Variants in TP63 observed in about 807,000 individuals in gnomAD.
TP63 encodes the protein tumor protein 63.
In TP63, 17 loss-of-function variants were observed where a neutral mutation model predicts 82.8. The observed-to-expected ratio is 0.21, with a 90% CI of 0.14 to 0.31. The LOEUF is 0.31. TP63 is among the 10% of genes least tolerant of loss of function. The pLI, the probability that TP63 is intolerant of heterozygous loss-of-function variation, is 1.00. For synonymous variants in TP63, 330 were observed against 321.7 expected, an observed-to-expected ratio of 1.03 and a Z score of -0.28; for missense variants, 648 against 895.3, an observed-to-expected ratio of 0.72 and a Z score of 3.52.
intron 1 of TP63, among the ~76,000 whole-genome samples, chr3:189,692,374 CT>C (rs1242752757): frequency 6.6e-6 from 1 of 150,734 alleles, no homozygotes; most frequent in Non-Finnish European, 1.5e-5. Context: ...TTTCTTTTAC[CT>C]TTTTATTTCC....
chr3:189,689,552 G>C (rs1309850391), intron 1 of TP63, among the ~76,000 whole-genome samples: 2 of 152,030 alleles, frequency 1.3e-5, no homozygotes, highest in Non-Finnish European at 2.9e-5. Context: ...GTCCATTGTT[G>C]AGCTACTGGG....
chr3:189,660,002 T>A (rs2108651469), intron 1 of TP63, among the ~76,000 whole-genome samples: 1 of 152,190 alleles, frequency 6.6e-6, no homozygotes, highest in African/African-American at 2.4e-5. Flanking sequence ...TTATGTAGGT[T>A]TTCTGATTAC....
chr3:189,854,180 T>G (rs1345145536), intron 4 of TP63, among the ~76,000 whole-genome samples: 3 of 152,212 alleles, frequency 2.0e-5, no homozygotes, highest in Non-Finnish European at 4.4e-5. Context: ...TTGTGGTTTA[T>G]GATGGCAACT....
At chr3:189,770,200 A>T (rs1723233647) in intron 3 of TP63, among the ~76,000 whole-genome samples, 2 of 152,206 alleles carry the variant, frequency 1.3e-5, no homozygotes, top group African/African-American at 4.8e-5. Flanking sequence ...AAAACCAGAC[A>T]CAATCCTTAT....
intron 10 of TP63, chr3:189,873,216 A>G: frequency 1.6e-6 from 1 of 638,260 alleles, no homozygotes; most frequent in South Asian, 1.9e-5. Context: ...GAAATTAAAT[A>G]CAAACCATTT....
intron 4 of TP63, among the ~76,000 whole-genome samples, chr3:189,837,792 A>AT (rs138345891): frequency 0.011 from 1,568 of 147,992 alleles, 27 homozygotes; most frequent in African/African-American, 0.037. Context: ...TAATTTATGT[A>AT]TTTTTTTTTT....
chr3:189,890,534 C>T (rs1326073457), intron 12 of TP63, among the ~76,000 whole-genome samples: 1 of 152,146 alleles, frequency 6.6e-6, no homozygotes, highest in Non-Finnish European at 1.5e-5. Context: ...CCTAGAATTC[C>T]ACAGATCACC....
At chr3:189,736,975 T>C (rs546642954) in intron 1 of TP63, among the ~76,000 whole-genome samples, 1 of 152,138 alleles carries the variant, frequency 6.6e-6, no homozygotes, top group Non-Finnish European at 1.5e-5. Context: ...AGAAAGCTGA[T>C]GTTTTCCTCC....
At chr3:189,864,454 C>G in intron 5 of TP63, 36 bp downstream of exon 5, 1 of 1,593,028 alleles carries the variant, frequency 6.3e-7, no homozygotes, top group Non-Finnish European at 8.6e-7. Flanking sequence ...GTTCAACCTC[C>G]TTGAAGGTCA....
intron 1 of TP63, among the ~76,000 whole-genome samples, chr3:189,682,912 G>A (rs1258365064): frequency 6.6e-6 from 1 of 152,038 alleles, no homozygotes; most frequent in Non-Finnish European, 1.5e-5. Flanking sequence ...ATGCAAGAAT[G>A]GTTTATAAAT....
intron 4 of TP63, among the ~76,000 whole-genome samples, chr3:189,847,711 G>A (rs1281939888): frequency 6.6e-6 from 1 of 152,144 alleles, no homozygotes; most frequent in African/African-American, 2.4e-5. Context: ...AGGACCTGAT[G>A]GAGTAGAGTT....
At chr3:189,609,252 T>C in the TP63 span, among the ~76,000 whole-genome samples, 1 of 152,122 alleles carries the variant, frequency 6.6e-6, no homozygotes. Context: ...GTCAGCCAAG[T>C]TTATCTGATT....
chr3:189,684,006 A>C (rs1716197491), intron 1 of TP63, among the ~76,000 whole-genome samples: 1 of 152,234 alleles, frequency 6.6e-6, no homozygotes, highest in African/African-American at 2.4e-5. Context: ...CAGCTTCAGC[A>C]ACTGCAGGAA....
At chr3:189,859,571 A>G (rs1716748118) in intron 4 of TP63, among the ~76,000 whole-genome samples, 1 of 152,192 alleles carries the variant, frequency 6.6e-6, no homozygotes, top group Non-Finnish European at 1.5e-5. Flanking sequence ...AAATGCTGAC[A>G]AGGATATGAA....
chr3:189,733,750 T>C (rs1213951843), intron 1 of TP63, among the ~76,000 whole-genome samples: 1 of 152,258 alleles, frequency 6.6e-6, no homozygotes, highest in African/African-American at 2.4e-5. Flanking sequence ...AGAGTATTTA[T>C]AAGTTTCACT....
At chr3:189,611,555 T>A in the TP63 span, among the ~76,000 whole-genome samples, 2 of 152,220 alleles carry the variant, frequency 1.3e-5, no homozygotes, top group Non-Finnish European at 2.9e-5. Context: ...GTAGTATAGT[T>A]TGAAGTCAGG....
At chr3:189,879,415 C>T (rs1292316110) in intron 10 of TP63, among the ~76,000 whole-genome samples, 5 of 152,014 alleles carry the variant, frequency 3.3e-5, no homozygotes, top group African/African-American at 7.3e-5. Context: ...ATTTATAGGC[C>T]GAGTTTTTTA....
Position 189,737,647 on chromosome 3 carries a change from T to G in TP63, c.63-93T>G. The G allele has an allele frequency of 4.2e-6, 6 of 1,441,592 alleles. 1 individual carries two copies. Among genetic ancestry groups the G allele is most frequent in the Non-Finnish European group, 5.8e-6 (6 of 1,029,266 alleles). 89.3% of individuals were successfully genotyped at this position (1,441,592 alleles called of 1,614,324 possible). On this transcript the variant is annotated intron_variant, in intron 1 of 13. Transcript: ENST00000264731. ...TACCTGCATGGTTTTATAGATTCAC[T>G]TGATGTTTTCATGATAGAGTATGCT...
At chr3:189,840,710 T>C (rs1560243455) in intron 4 of TP63, among the ~76,000 whole-genome samples, 1 of 151,762 alleles carries the variant, frequency 6.6e-6, no homozygotes, top group East Asian at 1.9e-4. Context: ...ATACAAAAAT[T>C]AGCCGGGTGT....
Sources: allele counts gnomAD v4.1 joint callset (sites outside exome capture counted in the v4.1 genomes callset), GRCh38; gene constraint gnomAD v4.1.1; transcripts MANE v1.5; gene names NCBI Gene and HGNC (gene_info 2026-07-23, HGNC 2026-07-21).